PCDHA1: variants seen among roughly 807,000 people sequenced by gnomAD.
PCDHA1 encodes protocadherin alpha 1, also known as protocadherin alpha-1.
In PCDHA1, 42 loss-of-function variants were observed where a neutral mutation model predicts 61.3. The observed-to-expected ratio is 0.69, with a 90% CI of 0.54 to 0.89. The LOEUF is 0.89. Among genes scored for constraint, PCDHA1 ranks in the 40% least tolerant of loss-of-function variants. The pLI is 0.00. For missense variants in PCDHA1, 1,256 were observed against 1,235.3 expected (o/e 1.02, Z -0.25); for synonymous variants, 610 against 553.8 (o/e 1.10, Z -1.43).
chr5:140,841,872 CA>C, intron 1 of PCDHA1: 1 of 1,613,796 alleles, frequency 6.2e-7, no homozygotes, highest in Non-Finnish European at 8.5e-7. Context: ...GATGTGAATT[CA>C]AAGAACGATG....
At position 140,787,979 on chromosome 5, in the gene PCDHA1, G is replaced by A; in HGVS notation, c.1689G>A (p.Pro563=). 1 of 1,613,988 alleles carries A rather than the reference G, an allele frequency of 6.2e-7. No individual in the cohort carries two copies. Residue 563 remains proline, a synonymous_variant, in exon 1 of 4, where the codon CCG becomes CCA. Transcript: ENST00000504120. ...TGCTGGACGAGAACGACAACGCGCC[G>A]GCGCTGCTGGCGCCTCGAGTGGGTG... ...VFVLDENDNA[P]ALLAPRVGGT...
intron 1 of PCDHA1, chr5:140,865,878 T>C (rs1436758278): frequency 1.3e-5 from 2 of 152,170 alleles, no homozygotes; most frequent in Non-Finnish European, 2.9e-5. Flanking sequence ...GCTAGGAAAA[T>C]CAAGCACAAA....
At chr5:140,822,658 A>G (rs2150118258) in intron 1 of PCDHA1, 42 of 1,608,556 alleles carry the variant, frequency 2.6e-5, no homozygotes, top group Non-Finnish European at 3.4e-5. Flanking sequence ...ATTTATAATT[A>G]ATTCTAATAC....
At chr5:140,829,903 C>G (rs782134190) in intron 1 of PCDHA1, 1 of 1,613,860 alleles carries the variant, frequency 6.2e-7, no homozygotes, top group Non-Finnish European at 8.5e-7. Flanking sequence ...CAGGCTACAA[C>G]GCGTGGCTTT....
chr5:140,805,737 C>A, intron 1 of PCDHA1: 1 of 338,256 alleles, frequency 3.0e-6, no homozygotes, highest in Non-Finnish European at 4.2e-6. Context: ...AAGTTTTCAA[C>A]ATTGAACTTG....
chr5:140,849,329 T>A (rs1581180148), intron 1 of PCDHA1: 2 of 1,371,780 alleles, frequency 1.5e-6, no homozygotes, highest in East Asian at 4.8e-5. Flanking sequence ...GGGATATTAT[T>A]TACTCCTTCT....
At chr5:140,791,621 A>G (rs1282476559) in intron 1 of PCDHA1, among the ~76,000 whole-genome samples, 2 of 152,198 alleles carry the variant, frequency 1.3e-5, no homozygotes, top group Admixed American at 1.3e-4. Flanking sequence ...GTAGGAGAAC[A>G]TTATTGTTGA....
intron 1 of PCDHA1, chr5:140,850,221 G>A: frequency 1.9e-6 from 3 of 1,593,734 alleles, no homozygotes; most frequent in South Asian, 2.2e-5. Context: ...CACTGACGGC[G>A]CAGTGAGCGA....
intron 1 of PCDHA1, chr5:140,802,308 C>T (rs782640012): frequency 6.2e-7 from 1 of 1,614,254 alleles, no homozygotes; most frequent in South Asian, 1.1e-5. Flanking sequence ...AGTCATCGCT[C>T]TGATCAGCGT....
intron 1 of PCDHA1, among the ~76,000 whole-genome samples, chr5:140,906,707 CT>C (rs1554192656): frequency 6.6e-6 from 1 of 152,198 alleles, no homozygotes; most frequent in Non-Finnish European, 1.5e-5. Flanking sequence ...ATTTGTAGTC[CT>C]GCCTGGATTG....
intron 3 of PCDHA1, among the ~76,000 whole-genome samples, chr5:141,007,904 T>C (rs1397513381): frequency 6.6e-6 from 1 of 152,278 alleles, no homozygotes; most frequent in African/African-American, 2.4e-5. Flanking sequence ...TTGTTCTTTG[T>C]TGAAGATGCT....
At chr5:140,809,191 A>G (rs1764391277) in intron 1 of PCDHA1, 1 of 1,614,020 alleles carries the variant, frequency 6.2e-7, no homozygotes, top group Non-Finnish European at 8.5e-7. Flanking sequence ...TGCTGGTGTC[A>G]CTTGTGGAGA....
At chr5:140,827,915 C>A in intron 1 of PCDHA1, 1 of 875,402 alleles carries the variant, frequency 1.1e-6, no homozygotes, top group Non-Finnish European at 1.8e-6. Flanking sequence ...CATGATGTCG[C>A]TGTCTACCAT....
intron 1 of PCDHA1, chr5:140,822,473 A>G: frequency 1.2e-6 from 2 of 1,613,830 alleles, no homozygotes; most frequent in Non-Finnish European, 1.7e-6. Context: ...AATGTATTGG[A>G]TGCTAATGAT....
intron 1 of PCDHA1, among the ~76,000 whole-genome samples, chr5:140,874,643 G>T (rs1423931291): frequency 1.3e-5 from 2 of 152,178 alleles, no homozygotes; most frequent in Non-Finnish European, 2.9e-5. Flanking sequence ...CTTTACTTTT[G>T]CTAGAGTAAA....
At chr5:140,800,618 T>G (rs1185964202) in intron 1 of PCDHA1, among the ~76,000 whole-genome samples, 1 of 152,192 alleles carries the variant, frequency 6.6e-6, no homozygotes, top group Non-Finnish European at 1.5e-5. Flanking sequence ...TGAAATCCCA[T>G]CGTACCAAGA....
chr5:140,969,600 C>CTAAAACACA, intron 1 of PCDHA1: 1 of 778,552 alleles, frequency 1.3e-6, no homozygotes, highest in South Asian at 2.1e-5. Flanking sequence ...ATATTTAATG[C>CTAAAACACA]TAAAACACAG....
At chr5:140,969,120 G>T (rs1333559202) in intron 1 of PCDHA1, 1 of 1,613,970 alleles carries the variant, frequency 6.2e-7, no homozygotes, top group Non-Finnish European at 8.5e-7. Flanking sequence ...CGAGGGAATG[G>T]CTCCCTCACC....
intron 1 of PCDHA1, among the ~76,000 whole-genome samples, chr5:140,940,389 AT>A (rs2092602183): frequency 1.3e-5 from 2 of 151,932 alleles, no homozygotes; most frequent in Admixed American, 6.6e-5. Flanking sequence ...AATTTTGGTT[AT>A]TGTGTTTTTC....
Sources: gnomAD v4.1 joint callset for allele counts (sites outside exome capture counted in the v4.1 genomes callset) on GRCh38, gnomAD v4.1.1 for gene constraint, MANE v1.5 for transcripts, NCBI Gene and HGNC (gene_info 2026-07-23, HGNC 2026-07-21) for gene names.